SUMF1: variants seen among roughly 807,000 people sequenced by gnomAD.
SUMF1 encodes the protein formylglycine-generating enzyme.
SUMF1 carries 48 observed loss-of-function variants against 47.6 expected under a neutral mutation model. The ratio of observed to expected loss-of-function variants is 1.01; its 90% CI spans 0.80 to 1.28. SUMF1 has a LOEUF of 1.28. Among genes scored for constraint, SUMF1 ranks in the 50% most tolerant of loss-of-function variants. The pLI is 0.00. For synonymous variants in SUMF1, 230 were observed against 192.1 expected, an observed-to-expected ratio of 1.20 and a Z score of -1.63; for missense variants, 571 against 485.4, an observed-to-expected ratio of 1.18 and a Z score of -1.66.
chr3:4,206,682 T>G (rs781111789), intron 8 of SUMF1, among the ~76,000 whole-genome samples: 2 of 152,120 alleles, frequency 1.3e-5, no homozygotes, highest in African/African-American at 2.4e-5. Context: ...CTCACCTGAT[T>G]CTTTGGTTCT....
chr3:4,288,228 T>C (rs969056628), intron 8 of SUMF1, among the ~76,000 whole-genome samples: 8 of 152,152 alleles, frequency 5.3e-5, no homozygotes, highest in African/African-American at 1.7e-4. Context: ...TGTTAATACA[T>C]CTGAGCAGTA....
At chr3:4,369,703 C>T (rs1700111032) in intron 8 of SUMF1, among the ~76,000 whole-genome samples, 1 of 152,156 alleles carries the variant, frequency 6.6e-6, no homozygotes, top group South Asian at 2.1e-4. Context: ...TGCTTAAATC[C>T]ATGTTCCTAG....
intron 7 of SUMF1, among the ~76,000 whole-genome samples, chr3:4,396,557 G>A (rs141950374): frequency 6.6e-6 from 1 of 152,234 alleles, no homozygotes; most frequent in East Asian, 1.9e-4. Flanking sequence ...TGCTCCTCTA[G>A]AGACCTTATA....
chr3:4,090,078 G>T (rs767876428), intron 8 of SUMF1, among the ~76,000 whole-genome samples: 1 of 152,108 alleles, frequency 6.6e-6, no homozygotes, highest in African/African-American at 2.4e-5. Flanking sequence ...GGTATTCCCA[G>T]CACTAGCACA....
intron 8 of SUMF1, among the ~76,000 whole-genome samples, chr3:4,351,345 A>T (rs915760747): frequency 6.6e-6 from 1 of 152,234 alleles, no homozygotes. Context: ...GCCCAGCCAC[A>T]GAGTTAGGAG....
intron 9 of SUMF1, among the ~76,000 whole-genome samples, chr3:4,039,912 A>G (rs1264681382): frequency 6.6e-6 from 1 of 152,072 alleles, no homozygotes; most frequent in Admixed American, 6.5e-5. Context: ...AATTTCAGCT[A>G]CTTGGGAGCC....
rs191039841 is a variant in SUMF1 at position 4,208,439 on chromosome 3, T to C, written c.1015-139694A>G. Among the ~76,000 whole-genome samples the C allele has an allele frequency of 1.6e-4, 21 of 135,336 alleles. No individual in the cohort carries two copies. In the East Asian group the frequency reaches 4.4e-3, roughly 28 times the overall value. 88.8% of individuals were successfully genotyped at this position (135,336 alleles called of 152,430 possible). Reference sequence around the variant, plus strand: ...ACCCAGTATATCATGTCAACCTTTCTACAGAAAATTTATAGGACATTCTAG... The same window carrying C: ...ACCCAGTATATCATGTCAACCTTTCCACAGAAAATTTATAGGACATTCTAG... On this transcript the variant is annotated intron_variant and NMD_transcript_variant, in intron 8 of 12. Coordinates refer to the SUMF1 transcript ENST00000448413.
chr3:4,098,281 T>G (rs1692951075), intron 8 of SUMF1, among the ~76,000 whole-genome samples: 1 of 152,038 alleles, frequency 6.6e-6, no homozygotes, highest in South Asian at 2.1e-4. Flanking sequence ...ATACTAAATA[T>G]TTAGAAGCAA....
intron 8 of SUMF1, among the ~76,000 whole-genome samples, chr3:4,278,669 C>T (rs925993043): frequency 6.6e-6 from 1 of 152,056 alleles, no homozygotes; most frequent in Admixed American, 6.6e-5. Flanking sequence ...TGTCATCAGT[C>T]GAACCAAGAT....
chr3:4,239,398 A>G (rs1333789193), intron 8 of SUMF1, among the ~76,000 whole-genome samples: 7 of 152,090 alleles, frequency 4.6e-5, no homozygotes, highest in African/African-American at 9.7e-5. Flanking sequence ...GATTACTCCT[A>G]TCCATAAGCA....
chr3:4,367,200 C>T lies in SUMF1; in HGVS notation c.1015-4946G>A, dbSNP rs561337971. On this transcript the variant is annotated intron_variant, in intron 8 of 8. Transcript: ENST00000272902. ...GACCCACTTGAGGAGGCAGTCTGCCCATTCTCAGATCTCCAGCTGCGTGCT... is the reference window on the plus strand; with the variant it reads ...GACCCACTTGAGGAGGCAGTCTGCCTATTCTCAGATCTCCAGCTGCGTGCT... Among the ~76,000 whole-genome samples the T allele has an allele frequency of 3.3e-5, 5 of 152,188 alleles. No individual in the cohort carries two copies. In the East Asian group the frequency reaches 5.8e-4, roughly 18 times the overall value.
chr3:4,098,691 T>C (rs542786080), intron 8 of SUMF1, among the ~76,000 whole-genome samples: 3 of 152,268 alleles, frequency 2.0e-5, no homozygotes, highest in African/African-American at 4.8e-5. Flanking sequence ...AACATTGGTA[T>C]AGGATTTTAC....
chr3:4,316,543 GAAA>G, intron 8 of SUMF1: 1 of 1,563,332 alleles, frequency 6.4e-7, no homozygotes, highest in East Asian at 2.4e-5. Flanking sequence ...AAGCAAATTG[GAAA>G]GGTGAAAAAG....
chr3:4,355,315 C>T (rs1471270875), intron 8 of SUMF1, among the ~76,000 whole-genome samples: 2 of 152,168 alleles, frequency 1.3e-5, no homozygotes, highest in Non-Finnish European at 2.9e-5. Context: ...CATGATTGCA[C>T]CACTGCCCTC....
At chr3:4,136,784 A>G (rs1354297271) in intron 8 of SUMF1, among the ~76,000 whole-genome samples, 2 of 151,230 alleles carry the variant, frequency 1.3e-5, no homozygotes, top group Non-Finnish European at 2.9e-5. Flanking sequence ...AGAAAAAAAC[A>G]AACAACCCCA....
In SUMF1 at chr3:4,392,861, A is replaced by G. The variant is rs1489716345; in HGVS notation, c.955-16472T>C. On this transcript the variant is annotated intron_variant, in intron 7 of 8. Transcript: ENST00000272902. ...TTTTTTTCAATTCCATTGAGGTCAT[A>G]TTTGTGTTGCATACTTGAACAGCTG... Among the ~76,000 whole-genome samples the G allele has an allele frequency of 2.0e-5, 3 of 148,128 alleles. No homozygotes were observed. In the Admixed American group the frequency reaches 2.0e-4, roughly 10 times the overall value.
intron 8 of SUMF1, among the ~76,000 whole-genome samples, chr3:4,283,881 T>C (rs1697577330): frequency 6.6e-6 from 1 of 152,162 alleles, no homozygotes; most frequent in African/African-American, 2.4e-5. Context: ...TTTTGCTGTG[T>C]CTTCACATGG....
intron 1 of SUMF1, among the ~76,000 whole-genome samples, chr3:4,458,703 A>G (rs1161137234): frequency 6.6e-6 from 1 of 152,010 alleles, no homozygotes; most frequent in African/African-American, 2.4e-5. Flanking sequence ...AAAATACAAA[A>G]ACTTAGCCAG....
At chr3:4,457,864 C>T (rs2633861) in intron 1 of SUMF1, among the ~76,000 whole-genome samples, 55,193 of 152,044 alleles carry the variant, frequency 0.36, 10,099 homozygotes, top group Non-Finnish European at 0.39. Flanking sequence ...CCCAAAAGCA[C>T]AGGCAACAAA....
Sources: allele counts gnomAD v4.1 joint callset (sites outside exome capture counted in the v4.1 genomes callset), GRCh38; gene constraint gnomAD v4.1.1; transcripts MANE v1.5; gene names NCBI Gene and HGNC (gene_info 2026-07-23, HGNC 2026-07-21).